CCDC40: variants seen among roughly 807,000 people sequenced by gnomAD.
The protein encoded by CCDC40 is coiled-coil domain 40 molecular ruler complex subunit.
CCDC40 carries 104 observed loss-of-function variants against 124.5 expected under a neutral mutation model. The observed-to-expected ratio is 0.84, with a 90% CI of 0.71 to 0.98. The LOEUF (loss-of-function observed/expected upper bound fraction) is 0.98, where lower values mean the gene tolerates loss of function less well. Ranked by LOEUF, CCDC40 falls within the 50% of genes least tolerant of loss-of-function variation. The pLI is 0.00. For missense variants in CCDC40, 1,463 were observed against 1,503.9 expected (o/e 0.97, Z 0.45); for synonymous variants, 580 against 602.9 (o/e 0.96, Z 0.56).
At chr17:80,046,556 T>TAAA (rs1555890958) in intron 3 of CCDC40, among the ~76,000 whole-genome samples, 1 of 151,234 alleles carries the variant, frequency 6.6e-6, no homozygotes, top group African/African-American at 2.4e-5. Flanking sequence ...ATAATAATAA[T>TAAA]AAAAGAGTGG....
chr17:80,084,839 G>T lies in CCDC40; in HGVS notation c.2086G>T (p.Val696Leu). The change falls in exon 13 of 20, where the codon GTG becomes TTG. Residue 696 changes from valine to leucine, a missense_variant. Transcript: ENST00000397545. ...GCTGGACGCACACCAGAAGACCCTG[G>T]TGGAGCTGGACCAGGACGTGAAGAA... is the stretch of plus-strand genomic sequence containing the variant. ...SRLDAHQKTL[V>L]ELDQDVKKVN... 6.2e-7 allele frequency: 1 copy of T among 1,614,190 alleles called. No homozygotes were observed. Among genetic ancestry groups the T allele is most frequent in the Non-Finnish European group, 8.5e-7 (1 of 1,180,034 alleles).
chr17:80,050,229 G>C lies in CCDC40; in HGVS notation c.1105G>C (p.Ala369Pro). 6.2e-7 allele frequency: 1 copy of C among 1,600,592 alleles called. No individual in the cohort carries two copies. The highest frequency in any genetic ancestry group is 8.5e-7 in the Non-Finnish European group (1 of 1,175,192). Reference protein sequence around the residue: ...RRQKEEELQAARALYTKTCAA... With the variant: ...RRQKEEELQAPRALYTKTCAA... The stretch of plus-strand genomic sequence containing the variant: ...GCAGAAGGAGGAGGAGCTGCAGGCC[G>C]CCCGCGCTCTCTACACCAAGACCTG... The change falls in exon 7 of 20, where the codon GCC becomes CCC. Residue 369 changes from alanine to proline, a missense_variant. Physicochemically the swap from Ala to Pro is conservative, Grantham distance 27. Transcript: ENST00000397545.
intron 10 of CCDC40, among the ~76,000 whole-genome samples, chr17:80,078,538 T>C (rs554407387): frequency 4.9e-4 from 74 of 152,166 alleles, no homozygotes; most frequent in Non-Finnish European, 9.1e-4. Context: ...GAAAAGACTG[T>C]CCTTTCCGTA....
In CCDC40 at chr17:80,075,254, C is replaced by T. The variant is rs559630045; in HGVS notation, c.1563-6292C>T. Among the ~76,000 whole-genome samples the T allele has an allele frequency of 1.0e-4, 15 of 148,048 alleles. No homozygotes were observed. In the South Asian group the frequency reaches 1.5e-3, roughly 15 times the overall value. On this transcript the variant is annotated intron_variant, in intron 10 of 19. Coordinates refer to ENST00000397545, the MANE Select transcript of CCDC40 (RefSeq NM_017950.4). ...TGCTGGGATTACAGGCATGAGCCAC[C>T]GTGCCTGGCCCAAAATATTACTTTT...
rs895662749 is a variant in CCDC40, at chr17:80,081,317, G to A, written c.1563-229G>A. The A allele has an allele frequency of 3.3e-5, 9 of 268,870 alleles. 1 individual carries two copies. Among genetic ancestry groups the A allele is most frequent in the Admixed American group, 1.9e-4 (4 of 20,692 alleles). 16.7% of individuals were successfully genotyped at this position (268,870 alleles called of 1,614,324 possible). A position where few individuals can be genotyped will look rare whatever the true frequency, so the allele number is the denominator to read the frequency against. On this transcript the variant is annotated intron_variant, in intron 10 of 19. Coordinates refer to ENST00000397545, the MANE Select transcript of CCDC40 (RefSeq NM_017950.4). ...TGAGACTCGCTTGAACCCGGCAGGC[G>A]GAGGTTGCAGTGAACCGAGATCGCA...
At chr17:80,052,139 G>T (rs1201392605) in intron 7 of CCDC40, among the ~76,000 whole-genome samples, 1 of 152,242 alleles carries the variant, frequency 6.6e-6, no homozygotes. Context: ...ATCTGGGAGG[G>T]AGACTGTATT....
chr17:80,058,636 C>G lies in CCDC40; in HGVS notation c.1302C>G (p.Ile434Met), dbSNP rs375163840. ...KAETERIRAE[I>M]EKKKQDLYVD... ...AGACGGAGAGGATCCGGGCAGAAAT[C>G]GAGAAGAAAAAGCAGGTATTCTGCA... The change falls in exon 8 of 20, where the codon ATC becomes ATG. Residue 434 changes from isoleucine (I) to methionine (M), a missense_variant. By Grantham distance (10) the Ile-to-Met change is conservative. Coordinates refer to ENST00000397545, the MANE Select transcript of CCDC40 (RefSeq NM_017950.4). The surrounding 1 kb of genome is among the most constrained non-coding windows in gnomAD (Gnocchi z 4.2). 1.1e-5 allele frequency: 18 copies of G among 1,614,024 alleles called. No individual in the cohort carries two copies. Among genetic ancestry groups the G allele is most frequent in the African/African-American group, 1.3e-5 (1 of 74,916 alleles).
intron 17 of CCDC40, among the ~76,000 whole-genome samples, chr17:80,091,003 TGTCCCTTCTTCCCC>T (rs1278099494): frequency 3.3e-5 from 5 of 152,216 alleles, no homozygotes; most frequent in African/African-American, 1.2e-4. Context: ...TGCTCCTCCC[TGTCCCTTCTTCCCC>T]GGCTCCCCCT....
intron 5 of CCDC40, 53 bp from the exon 6 acceptor site, chr17:80,049,853 C>A: frequency 6.6e-7 from 1 of 1,513,146 alleles, no homozygotes; most frequent in South Asian, 1.1e-5. Context: ...AGCCCTGGGT[C>A]GGGCAGGAGG....
At position 80,067,647 on chromosome 17, in the gene CCDC40, G is replaced by A. The variant is rs7221235; in HGVS notation, c.1562+2041G>A. ...GGCGTTCGCGTCCGTCTGTTATGGCGGTGCTGCTGTAGATAACCGGATCCG... is the reference window on the plus strand; with the variant it reads ...GGCGTTCGCGTCCGTCTGTTATGGCAGTGCTGCTGTAGATAACCGGATCCG... On this transcript the variant is annotated intron_variant, in intron 10 of 19. Coordinates refer to ENST00000397545, the MANE Select transcript of CCDC40 (RefSeq NM_017950.4). The A allele has an allele frequency of 1.5e-3, 2,364 of 1,536,144 alleles. 30 individuals carry two copies. In the African/African-American group the frequency reaches 0.028, roughly 18 times the overall value.
intron 3 of CCDC40, among the ~76,000 whole-genome samples, chr17:80,042,128 C>CT (rs1448728139): frequency 5.9e-5 from 9 of 151,848 alleles, no homozygotes; most frequent in Non-Finnish European, 1.3e-4. Flanking sequence ...AAGTATTTCT[C>CT]TTTTTTTTGA....
chr17:80,095,513 C>G, intron 18 of CCDC40, 62 bp downstream of exon 18: 3 of 1,531,610 alleles, frequency 2.0e-6, no homozygotes, highest in Non-Finnish European at 2.7e-6. Flanking sequence ...AAGGAACACT[C>G]CAGGAAGGCG....
chr17:80,087,709 G>A lies in CCDC40; in HGVS notation c.2552G>A (p.Arg851Gln), dbSNP rs745599843. 1.4e-5 allele frequency: 23 copies of A among 1,614,062 alleles called. No individual in the cohort carries two copies. The highest frequency in any genetic ancestry group is 3.3e-5 in the Admixed American group (2 of 60,024). The part of the protein sequence containing the change: ...KKLNMLMNKN[R>Q]CSSEELEQNN... ...CTCAACATGTTGATGAATAAAAACC[G>A]GTGCAGCTCGGAGGAGCTGGAGCAG... is the stretch of plus-strand genomic sequence containing the variant. Residue 851 changes from arginine to glutamine, a missense_variant, in exon 15 of 20, where the codon CGG becomes CAG. Arg to Gln is a conservative substitution (Grantham distance 43, BLOSUM62 1). Transcript: ENST00000397545. This position sits in a 1 kb window ranked among gnomAD's most constrained non-coding sequence, Gnocchi z 4.5.
chr17:80,043,213 C>T (rs543768505), intron 3 of CCDC40, among the ~76,000 whole-genome samples: 2 of 152,206 alleles, frequency 1.3e-5, no homozygotes, highest in Admixed American at 1.3e-4. Flanking sequence ...TGATCGGACG[C>T]ACCTCCATCC....
intron 4 of CCDC40, among the ~76,000 whole-genome samples, chr17:80,048,068 G>GGCC (rs1284733584): frequency 6.6e-6 from 1 of 152,170 alleles, no homozygotes; most frequent in Admixed American, 6.5e-5. Context: ...AGACCAGTCT[G>GGCC]GCCAACATGG....
chr17:80,090,363 C>T (rs540055690), intron 17 of CCDC40: 1 of 1,050,626 alleles, frequency 9.5e-7, no homozygotes, highest in South Asian at 1.5e-5. Flanking sequence ...CGCGCAGGCA[C>T]GTGCACGAAC....
intron 2 of CCDC40, among the ~76,000 whole-genome samples, chr17:80,038,718 G>A (rs1025658776): frequency 1.3e-5 from 2 of 152,174 alleles, no homozygotes; most frequent in South Asian, 2.1e-4. Context: ...CCAGCTACTC[G>A]GGAGGCTGAG....
chr17:80,051,494 T>G (rs1384363905), intron 7 of CCDC40, among the ~76,000 whole-genome samples: 1 of 150,204 alleles, frequency 6.7e-6, no homozygotes, highest in Non-Finnish European at 1.5e-5. Context: ...CCGGGCGTAG[T>G]GGCGGGCGCC....
chr17:80,057,386 C>T (rs1259855816), intron 7 of CCDC40, among the ~76,000 whole-genome samples: 1 of 152,056 alleles, frequency 6.6e-6, no homozygotes, highest in Non-Finnish European at 1.5e-5. Context: ...CCACACCCAG[C>T]CAAAATGGCT....
Sources: allele counts gnomAD v4.1 joint callset (sites outside exome capture counted in the v4.1 genomes callset), GRCh38; gene constraint gnomAD v4.1.1; non-coding constraint Gnocchi (gnomAD v3.1); transcripts MANE v1.5; gene names NCBI Gene and HGNC (gene_info 2026-07-23, HGNC 2026-07-21).